The following MAGI2 variants were observed in gnomAD, a reference collection of about 807,000 sequenced individuals.
MAGI2 encodes the protein membrane associated guanylate kinase, WW and PDZ domain containing 2, also known as membrane-associated guanylate kinase, WW and PDZ domain-containing protein 2.
MAGI2 carries 35 observed loss-of-function variants against 133.3 expected under a neutral mutation model. The observed-to-expected ratio is 0.26, with a 90% confidence interval of 0.20 to 0.35. MAGI2 has a LOEUF of 0.35. Among genes scored for constraint, MAGI2 ranks in the 10% least tolerant of loss-of-function variants. The pLI, the probability that MAGI2 is intolerant of heterozygous loss-of-function variation, is 1.00. For missense variants in MAGI2, 1,636 were observed against 1,863.4 expected, an observed-to-expected ratio of 0.88 and a Z score of 2.25; for synonymous variants, 729 against 710.6, an observed-to-expected ratio of 1.03 and a Z score of -0.41.
intron 9 of MAGI2, among the ~76,000 whole-genome samples, chr7:78,273,450 T>G (rs56340138): frequency 0.19 from 29,481 of 152,074 alleles, 3,300 homozygotes; most frequent in South Asian, 0.31. Context: ...CTTTGTGGTG[T>G]TCTCTGAATT....
At chr7:78,059,678 T>C (rs1193491345) in intron 21 of MAGI2, among the ~76,000 whole-genome samples, 1 of 152,166 alleles carries the variant, frequency 6.6e-6, no homozygotes, top group South Asian at 2.1e-4. Context: ...AATGCTCTTA[T>C]TCTGGTTTGT....
chr7:79,113,259 C>T (rs763386798), intron 1 of MAGI2, among the ~76,000 whole-genome samples: 2 of 152,146 alleles, frequency 1.3e-5, no homozygotes, highest in East Asian at 1.9e-4. Flanking sequence ...TCCATGGCTG[C>T]GTGCTAGAGT....
chr7:78,245,205 A>G (rs1191755222), intron 10 of MAGI2, among the ~76,000 whole-genome samples: 3 of 152,250 alleles, frequency 2.0e-5, no homozygotes, highest in Non-Finnish European at 4.4e-5. Flanking sequence ...CAGAAGATAG[A>G]TATTCAAGGA....
At chr7:78,028,848 C>CAAAAAA (rs56201811) in intron 21 of MAGI2, among the ~76,000 whole-genome samples, 5 of 84,412 alleles carry the variant, frequency 5.9e-5, no homozygotes, top group Non-Finnish European at 9.7e-5. Context: ...GACTCCATCT[C>CAAAAAA]AAAAAAAAAA....
chr7:78,055,971 A>AC (rs1446419583), intron 21 of MAGI2, among the ~76,000 whole-genome samples: 3 of 152,064 alleles, frequency 2.0e-5, no homozygotes, highest in Non-Finnish European at 4.4e-5. Flanking sequence ...CATAAAACTT[A>AC]CCATCTTAAC....
intron 2 of MAGI2, among the ~76,000 whole-genome samples, chr7:78,860,912 G>A (rs1038149331): frequency 6.6e-6 from 1 of 152,168 alleles, no homozygotes; most frequent in Non-Finnish European, 1.5e-5. Context: ...CTTCCAGGCA[G>A]CTTTGTTTAC....
chr7:79,124,368 C>T (rs938259205), intron 1 of MAGI2, among the ~76,000 whole-genome samples: 2 of 152,108 alleles, frequency 1.3e-5, no homozygotes, highest in Non-Finnish European at 2.9e-5. Flanking sequence ...TGCTCATGTA[C>T]TCAAATATAT....
intron 9 of MAGI2, among the ~76,000 whole-genome samples, chr7:78,331,536 A>T (rs1789198300): frequency 6.6e-6 from 1 of 152,222 alleles, no homozygotes; most frequent in South Asian, 2.1e-4. Context: ...GCATTTAGTT[A>T]TTACTTTTAG....
chr7:79,055,355 CA>C (rs1489334868), intron 1 of MAGI2, among the ~76,000 whole-genome samples: 4 of 151,770 alleles, frequency 2.6e-5, no homozygotes, highest in Admixed American at 1.3e-4. Context: ...AATATGTACT[CA>C]ATTGATAGTT....
intron 2 of MAGI2, among the ~76,000 whole-genome samples, chr7:78,946,447 A>T (rs1407386225): frequency 1.3e-5 from 2 of 152,214 alleles, no homozygotes; most frequent in East Asian, 3.8e-4. Flanking sequence ...AAGGTCTAAA[A>T]CATAGTTCAC....
At chr7:79,077,897 A>G (rs1452918620) in intron 1 of MAGI2, among the ~76,000 whole-genome samples, 1 of 152,054 alleles carries the variant, frequency 6.6e-6, no homozygotes, top group Non-Finnish European at 1.5e-5. Context: ...TCTTATGTGA[A>G]CGTCATTGCA....
chr7:78,411,987 A>G (rs1367418086), intron 6 of MAGI2, among the ~76,000 whole-genome samples: 1 of 152,012 alleles, frequency 6.6e-6, no homozygotes, highest in African/African-American at 2.4e-5. Context: ...GCAATTTAAA[A>G]CTGTTTTCTT....
At chr7:79,450,506 G>A (rs73147491) in intron 1 of MAGI2, among the ~76,000 whole-genome samples, 46,015 of 151,712 alleles carry the variant, frequency 0.3, 7,019 homozygotes, top group East Asian at 0.38. Context: ...GTCAGCAGTG[G>A]TTCAGGAGAT....
At chr7:78,438,023 G>T (rs1787217645) in intron 6 of MAGI2, among the ~76,000 whole-genome samples, 1 of 152,242 alleles carries the variant, frequency 6.6e-6, no homozygotes, top group South Asian at 2.1e-4. Context: ...ATTAGTTGTT[G>T]TTTATGTCAC....
chr7:78,157,575 C>G (rs888720018), intron 16 of MAGI2, among the ~76,000 whole-genome samples: 1 of 152,168 alleles, frequency 6.6e-6, no homozygotes, highest in East Asian at 1.9e-4. Flanking sequence ...GGCTGTTATA[C>G]TTCAAACAAA....
intron 2 of MAGI2, among the ~76,000 whole-genome samples, chr7:78,644,112 A>G (rs1212585736): frequency 6.6e-6 from 1 of 152,114 alleles, no homozygotes; most frequent in Non-Finnish European, 1.5e-5. Context: ...TAAAGGAGTC[A>G]ATTCCTTAAC....
intron 1 of MAGI2, among the ~76,000 whole-genome samples, chr7:79,308,778 G>C (rs1838023834): frequency 6.6e-6 from 1 of 152,058 alleles, no homozygotes; most frequent in African/African-American, 2.4e-5. Flanking sequence ...AACTCTCAAA[G>C]GCTAGGCAAG....
intron 20 of MAGI2, among the ~76,000 whole-genome samples, chr7:78,110,056 C>CAATTCCCTGTTCTCCAATTCCT (rs1182096157): frequency 6.6e-6 from 1 of 152,160 alleles, no homozygotes; most frequent in African/African-American, 2.4e-5. Context: ...AGCTTGCCCC[C>CAATTCCCTGTTCTCCAATTCCT]AATTCCCTGT....
intron 2 of MAGI2, among the ~76,000 whole-genome samples, chr7:78,655,454 C>CA: frequency 0.17 from 10,778 of 64,880 alleles, 1,114 homozygotes; most frequent in African/African-American, 0.19. Flanking sequence ...AAAAAACAAC[C>CA]AAAAAAAAAA....
Sources: gnomAD v4.1 joint callset for allele counts (sites outside exome capture counted in the v4.1 genomes callset) on GRCh38, gnomAD v4.1.1 for gene constraint, MANE v1.5 for transcripts, NCBI Gene and HGNC (gene_info 2026-07-23, HGNC 2026-07-21) for gene names.